The following RAB10 variants were observed in gnomAD, a reference collection of about 807,000 sequenced individuals.
The protein encoded by RAB10 is RAB10, member RAS oncogene family, also known as ras-related protein Rab-10.
RAB10 carries 5 observed loss-of-function variants against 25.7 expected under a neutral mutation model. That is an observed-to-expected ratio of 0.19 (90% CI 0.10 to 0.41). The LOEUF is 0.41. Ranked by LOEUF, RAB10 falls within the 10% of genes least tolerant of loss-of-function variation. The pLI, the probability that RAB10 is intolerant of heterozygous loss-of-function variation, is 1.00. For synonymous variants in RAB10, 89 were observed against 86.4 expected (o/e 1.03, Z -0.16); for missense variants, 103 against 245.8 (o/e 0.42, Z 3.89).
chr2:26,075,225 CCTTT>C (rs1666708035), intron 1 of RAB10, among the ~76,000 whole-genome samples: 1 of 152,062 alleles, frequency 6.6e-6, no homozygotes, highest in African/African-American at 2.4e-5. Context: ...TTTCCTAGTA[CCTTT>C]CTGTCTCTTT....
At chr2:26,034,834 T>C (rs1422461514) in intron 1 of RAB10, 99 bp downstream of exon 1, 18 of 1,494,008 alleles carry the variant, frequency 1.2e-5, no homozygotes, top group Non-Finnish European at 1.8e-6. Flanking sequence ...TTTGTTTCAG[T>C]GATTCCGATT....
intron 1 of RAB10, among the ~76,000 whole-genome samples, chr2:26,040,630 C>T (rs1008388298): frequency 6.6e-6 from 1 of 152,040 alleles, no homozygotes; most frequent in African/African-American, 2.4e-5. Context: ...TGCACTCCAG[C>T]CTGGGTGACA....
chr2:26,055,427 T>C (rs886340121), intron 1 of RAB10, among the ~76,000 whole-genome samples: 1 of 150,816 alleles, frequency 6.6e-6, no homozygotes, highest in African/African-American at 2.4e-5. Flanking sequence ...TCACTCTTTC[T>C]CCCAGGCTGG....
At chr2:26,075,466 G>C (rs1322008172) in intron 1 of RAB10, among the ~76,000 whole-genome samples, 1 of 144,274 alleles carries the variant, frequency 6.9e-6, no homozygotes, top group Non-Finnish European at 1.5e-5. Flanking sequence ...GATAAGCACA[G>C]GTTTAACTTG....
chr2:26,072,837 G>A (rs1316122231), intron 1 of RAB10, among the ~76,000 whole-genome samples: 1 of 152,176 alleles, frequency 6.6e-6, no homozygotes, highest in Non-Finnish European at 1.5e-5. Flanking sequence ...TGTCATTTAT[G>A]TTAACATGGA....
At chr2:26,052,404 A>G (rs1026939583) in intron 1 of RAB10, among the ~76,000 whole-genome samples, 3 of 151,956 alleles carry the variant, frequency 2.0e-5, no homozygotes, top group Non-Finnish European at 2.9e-5. Context: ...GATGTTTTCA[A>G]GGTCTAAACA....
At chr2:26,033,689 T>G (rs1054729635), upstream of RAB10, among the ~76,000 whole-genome samples, 1 of 152,048 alleles carries the variant, frequency 6.6e-6, no homozygotes, top group African/African-American at 2.4e-5. Context: ...CGACAAGCGC[T>G]GTGCAGAGAA....
rs1236362345 is a variant in RAB10 at position 26,134,197 on chromosome 2, C to T, written c.520-741C>T. 2.0e-5 allele frequency among the ~76,000 whole-genome samples: 3 copies of T among 152,088 alleles called. No homozygotes were observed. In the South Asian group the frequency reaches 6.2e-4, roughly 32 times the overall value. ...GTGGAGTGATCATAGCCCACTGCAG[C>T]CTTGAACTCCTGGGCTCAAGTGATC... is the stretch of plus-strand genomic sequence containing the variant. On this transcript the variant is annotated intron_variant, in intron 5 of 5. Coordinates refer to ENST00000264710, the MANE Select transcript of RAB10 (RefSeq NM_016131.5).
At chr2:26,124,388 G>GGTTTTT in intron 3 of RAB10, among the ~76,000 whole-genome samples, 1 of 17,106 alleles carries the variant, frequency 5.8e-5, no homozygotes, top group African/African-American at 2.0e-4. Context: ...TGTTGTTGTT[G>GGTTTTT]CTTTTTTTTT....
chr2:26,112,327 A>C (rs985434925), intron 3 of RAB10, among the ~76,000 whole-genome samples: 1 of 152,000 alleles, frequency 6.6e-6, no homozygotes, highest in Non-Finnish European at 1.5e-5. Flanking sequence ...TCCTCTTATC[A>C]CTTGGTTGGT....
intron 1 of RAB10, among the ~76,000 whole-genome samples, chr2:26,094,462 G>A (rs1667169527): frequency 6.6e-6 from 1 of 151,988 alleles, no homozygotes; most frequent in Non-Finnish European, 1.5e-5. Context: ...ATGTTGGCTA[G>A]GCTGGTCTCA....
intron 1 of RAB10, among the ~76,000 whole-genome samples, chr2:26,035,271 T>G (rs552514388): frequency 6.1e-4 from 93 of 152,246 alleles, no homozygotes; most frequent in Non-Finnish European, 1.1e-3. Flanking sequence ...TGTCAAACAA[T>G]CGGAGGCTCT....
At chr2:26,070,886 A>G (rs1233748268) in intron 1 of RAB10, among the ~76,000 whole-genome samples, 1 of 152,146 alleles carries the variant, frequency 6.6e-6, no homozygotes, top group East Asian at 1.9e-4. Flanking sequence ...TTTTTTGACC[A>G]GAAGGTCAAA....
chr2:26,126,683 G>A (rs975270580), intron 3 of RAB10, among the ~76,000 whole-genome samples: 2 of 152,096 alleles, frequency 1.3e-5, no homozygotes, highest in African/African-American at 4.8e-5. Flanking sequence ...GATCTTAAGG[G>A]GACAACCACT....
intron 3 of RAB10, among the ~76,000 whole-genome samples, chr2:26,124,244 T>C (rs1489274726): frequency 1.3e-5 from 2 of 151,956 alleles, no homozygotes; most frequent in African/African-American, 4.8e-5. Context: ...CTTACCCCCA[T>C]TGTTCAAGGG....
At chr2:26,061,909 A>G (rs765422926) in intron 1 of RAB10, among the ~76,000 whole-genome samples, 28 of 152,124 alleles carry the variant, frequency 1.8e-4, no homozygotes, top group Non-Finnish European at 3.2e-4. Context: ...TTTTTTATAC[A>G]GGCAGGGCCT....
intron 1 of RAB10, among the ~76,000 whole-genome samples, chr2:26,043,171 A>G (rs1665928190): frequency 6.6e-6 from 1 of 152,094 alleles, no homozygotes; most frequent in African/African-American, 2.4e-5. Context: ...TTATGCCCGT[A>G]AATCCCAGCA....
chr2:26,094,433 G>T (rs1456381930), intron 1 of RAB10, among the ~76,000 whole-genome samples: 1 of 151,710 alleles, frequency 6.6e-6, no homozygotes, highest in East Asian at 1.9e-4. Context: ...TATATTTTTA[G>T]TAGAGATGGG....
chr2:26,087,076 CT>C (rs1364672901), intron 1 of RAB10, among the ~76,000 whole-genome samples: 1 of 152,004 alleles, frequency 6.6e-6, no homozygotes, highest in Non-Finnish European at 1.5e-5. Flanking sequence ...GAATTGTTCA[CT>C]TTATTTTTTC....
Sources: allele counts gnomAD v4.1 joint callset (sites outside exome capture counted in the v4.1 genomes callset), GRCh38; gene constraint gnomAD v4.1.1; transcripts MANE v1.5; gene names NCBI Gene and HGNC (gene_info 2026-07-23, HGNC 2026-07-21).